The following PLCB1 variants were observed in gnomAD, a reference collection of about 807,000 sequenced individuals.
PLCB1 encodes phospholipase C beta 1, also known as 1-phosphatidylinositol 4,5-bisphosphate phosphodiesterase beta-1.
In PLCB1, 46 loss-of-function variants were observed where a neutral mutation model predicts 161.8. The observed-to-expected ratio is 0.28, with a 90% CI of 0.22 to 0.36. PLCB1 has a LOEUF of 0.36. Among genes scored for constraint, PLCB1 ranks in the 10% least tolerant of loss-of-function variants. The pLI is 1.00. For missense variants in PLCB1, 1,016 were observed against 1,472.5 expected (o/e 0.69, Z 5.07); for synonymous variants, 517 against 503.7 (o/e 1.03, Z -0.35).
At chr20:8,561,812 A>G (rs1986149144) in intron 3 of PLCB1, among the ~76,000 whole-genome samples, 1 of 152,062 alleles carries the variant, frequency 6.6e-6, no homozygotes, top group Non-Finnish European at 1.5e-5. Flanking sequence ...TCCTTTCAAG[A>G]TAGTCAAGCT....
chr20:8,222,016 A>G (rs952536106), intron 2 of PLCB1, among the ~76,000 whole-genome samples: 15 of 152,186 alleles, frequency 9.9e-5, no homozygotes, highest in African/African-American at 1.9e-4. Context: ...TCATGCAATC[A>G]TAGAGGCTCA....
At chr20:8,185,113 A>G (rs1331964646) in intron 2 of PLCB1, among the ~76,000 whole-genome samples, 1 of 152,214 alleles carries the variant, frequency 6.6e-6, no homozygotes, top group East Asian at 1.9e-4. Flanking sequence ...CCTGCAAAGG[A>G]CATTAACTCA....
At chr20:8,763,993 C>A (rs1022644947) in intron 25 of PLCB1, among the ~76,000 whole-genome samples, 1 of 151,940 alleles carries the variant, frequency 6.6e-6, no homozygotes, top group South Asian at 2.1e-4. Flanking sequence ...GGCGAAACCC[C>A]GTCTCCATAA....
intron 10 of PLCB1, among the ~76,000 whole-genome samples, chr20:8,691,109 T>G (rs16995085): frequency 0.037 from 5,683 of 152,288 alleles, 378 homozygotes; most frequent in African/African-American, 0.13. Flanking sequence ...AAATTTGGTT[T>G]TACTTCACAT....
rs141354131 is a variant in PLCB1 at position 8,799,938 on chromosome 20, A to G, written c.3423+9677A>G. ...TCATGTCAAGAAAAAATGTCTATAC[A>G]TGTTCAGTACAGACACAACCATCCA... On this transcript the variant is annotated intron_variant, in intron 31 of 31. Transcript: ENST00000338037. Among the ~76,000 whole-genome samples, 291 of 152,344 alleles carry G rather than the reference A, an allele frequency of 1.9e-3. 1 individual carries two copies. Among genetic ancestry groups the G allele is most frequent in the Non-Finnish European group, 8.1e-4 (55 of 68,036 alleles).
chr20:8,316,082 G>C (rs913191329), intron 2 of PLCB1, among the ~76,000 whole-genome samples: 1 of 152,116 alleles, frequency 6.6e-6, no homozygotes, highest in African/African-American at 2.4e-5. Flanking sequence ...ATAAGCACTT[G>C]TATGCTTTAT....
intron 3 of PLCB1, among the ~76,000 whole-genome samples, chr20:8,377,121 G>A (rs1299065495): frequency 2.0e-5 from 3 of 152,070 alleles, no homozygotes; most frequent in Non-Finnish European, 2.9e-5. Flanking sequence ...TGGGGTAGGG[G>A]AAACAGATAA....
chr20:8,539,889 A>G (rs969417154), intron 3 of PLCB1, among the ~76,000 whole-genome samples: 8 of 152,028 alleles, frequency 5.3e-5, no homozygotes, highest in African/African-American at 1.7e-4. Context: ...GAACATAAAC[A>G]GCTTAGGTGA....
intron 31 of PLCB1, among the ~76,000 whole-genome samples, chr20:8,850,453 C>G (rs1394037632): frequency 1.3e-5 from 2 of 152,128 alleles, no homozygotes; most frequent in Non-Finnish European, 2.9e-5. Flanking sequence ...GCTAAACTTC[C>G]CAAGGCAGTT....
chr20:8,780,259 C>A (rs1439111434), intron 27 of PLCB1, among the ~76,000 whole-genome samples: 1 of 152,162 alleles, frequency 6.6e-6, no homozygotes. Context: ...CCATCACATT[C>A]TACTAAACAC....
At chr20:8,624,503 G>A (rs1275404843) in intron 3 of PLCB1, among the ~76,000 whole-genome samples, 1 of 152,110 alleles carries the variant, frequency 6.6e-6, no homozygotes, top group Non-Finnish European at 1.5e-5. Flanking sequence ...AAAAAGTAAG[G>A]ATTCAAACCA....
At chr20:8,204,212 G>A (rs775074496) in intron 2 of PLCB1, among the ~76,000 whole-genome samples, 3 of 152,116 alleles carry the variant, frequency 2.0e-5, no homozygotes, top group Non-Finnish European at 2.9e-5. Context: ...TGTCAAGGGA[G>A]CAGAGGGATG....
intron 3 of PLCB1, among the ~76,000 whole-genome samples, chr20:8,511,505 C>T (rs1265686636): frequency 6.6e-6 from 1 of 152,108 alleles, no homozygotes; most frequent in Non-Finnish European, 1.5e-5. Flanking sequence ...ATTTCTTTAA[C>T]AGTTGATTTC....
intron 31 of PLCB1, among the ~76,000 whole-genome samples, chr20:8,845,535 G>T (rs1986661225): frequency 6.6e-6 from 1 of 152,122 alleles, no homozygotes; most frequent in South Asian, 2.1e-4. Context: ...GCTCAATAGG[G>T]CTATTGGTTA....
At chr20:8,609,080 T>G (rs74489766) in intron 3 of PLCB1, among the ~76,000 whole-genome samples, 1 of 152,182 alleles carries the variant, frequency 6.6e-6, no homozygotes, top group Non-Finnish European at 1.5e-5. Context: ...AAAACTTTAT[T>G]GATTTGAAAG....
chr20:8,227,722 A>G (rs1369836195), intron 2 of PLCB1, among the ~76,000 whole-genome samples: 1 of 152,128 alleles, frequency 6.6e-6, no homozygotes, highest in Non-Finnish European at 1.5e-5. Flanking sequence ...TTCCCATAGG[A>G]CTCAAATGAA....
At chr20:8,203,696 A>G (rs1158591719) in intron 2 of PLCB1, among the ~76,000 whole-genome samples, 1 of 152,164 alleles carries the variant, frequency 6.6e-6, no homozygotes, top group Non-Finnish European at 1.5e-5. Flanking sequence ...CTGAAGAATG[A>G]TAAGTGAGAT....
intron 2 of PLCB1, among the ~76,000 whole-genome samples, chr20:8,292,743 T>C (rs1983442682): frequency 6.6e-6 from 1 of 152,210 alleles, no homozygotes; most frequent in South Asian, 2.1e-4. Flanking sequence ...ACTTACAAGC[T>C]TGTGACATTA....
chr20:8,387,977 TAAAAAAAAA>T (rs1555802977), intron 3 of PLCB1, among the ~76,000 whole-genome samples: 74 of 126,780 alleles, frequency 5.8e-4, no homozygotes, highest in African/African-American at 2.2e-3. Context: ...CCACTTTTTT[TAAAAAAAAA>T]AAAAAAAAAA....
Sources: gnomAD v4.1 joint callset for allele counts (sites outside exome capture counted in the v4.1 genomes callset) on GRCh38, gnomAD v4.1.1 for gene constraint, MANE v1.5 for transcripts, NCBI Gene and HGNC (gene_info 2026-07-23, HGNC 2026-07-21) for gene names.